The following CACNB2 variants were observed in gnomAD, a reference collection of about 807,000 sequenced individuals.
CACNB2 encodes the protein calcium voltage-gated channel auxiliary subunit beta 2.
In CACNB2, 42 loss-of-function variants were observed where a neutral mutation model predicts 73.3. The ratio of observed to expected loss-of-function variants is 0.57; its 90% CI spans 0.45 to 0.74. CACNB2 has a LOEUF of 0.74. Ranked by LOEUF, CACNB2 falls within the 30% of genes least tolerant of loss-of-function variation. CACNB2 has a pLI of 0.00. For synonymous variants in CACNB2, 348 were observed against 310.3 expected, an observed-to-expected ratio of 1.12 and a Z score of -1.28; for missense variants, 940 against 853.0, an observed-to-expected ratio of 1.10 and a Z score of -1.27.
chr10:18,246,393 C>G (rs1381980545), intron 2 of CACNB2, among the ~76,000 whole-genome samples: 1 of 151,958 alleles, frequency 6.6e-6, no homozygotes, highest in African/African-American at 2.4e-5. Flanking sequence ...GCTCCTAGTT[C>G]TCTCTTTCTT....
chr10:18,251,046 A>G (rs1338111293), intron 2 of CACNB2, among the ~76,000 whole-genome samples: 1 of 151,986 alleles, frequency 6.6e-6, no homozygotes, highest in Non-Finnish European at 1.5e-5. Context: ...GAGTAGTCTT[A>G]AGGTCATTGC....
At chr10:18,437,332 A>G (rs2046186941) in intron 3 of CACNB2, among the ~76,000 whole-genome samples, 1 of 151,194 alleles carries the variant, frequency 6.6e-6, no homozygotes, top group Non-Finnish European at 1.5e-5. Flanking sequence ...TGGCCATTGA[A>G]CAATGAGAGG....
intron 3 of CACNB2, among the ~76,000 whole-genome samples, chr10:18,432,549 C>T (rs2045939959): frequency 6.6e-6 from 1 of 151,930 alleles, no homozygotes; most frequent in Non-Finnish European, 1.5e-5. Flanking sequence ...AAAAACATTC[C>T]AGGCTGGGTG....
intron 2 of CACNB2, among the ~76,000 whole-genome samples, chr10:18,220,256 G>GAGAGAT: frequency 8.1e-6 from 1 of 123,148 alleles, no homozygotes; most frequent in Non-Finnish European, 1.6e-5. Context: ...GAGAGAGAGA[G>GAGAGAT]AGAGAGAGAG....
chr10:18,322,530 A>C (rs1429042064), intron 2 of CACNB2, among the ~76,000 whole-genome samples: 1 of 152,212 alleles, frequency 6.6e-6, no homozygotes, highest in Non-Finnish European at 1.5e-5. Flanking sequence ...AATGAGATGG[A>C]ATAAGCCGAT....
intron 3 of CACNB2, among the ~76,000 whole-genome samples, chr10:18,476,744 A>G (rs7900405): frequency 0.61 from 93,319 of 152,018 alleles, 28,761 homozygotes; most frequent in South Asian, 0.8. Context: ...AGAGCATGGT[A>G]GCTTATGCCT....
intron 4 of CACNB2, among the ~76,000 whole-genome samples, chr10:18,500,077 C>T (rs1320487829): frequency 2.6e-5 from 4 of 152,134 alleles, no homozygotes; most frequent in Non-Finnish European, 5.9e-5. Context: ...AAGTTATCAG[C>T]TGTGCCTAGA....
intron 2 of CACNB2, among the ~76,000 whole-genome samples, chr10:18,386,731 T>C (rs1261473758): frequency 3.3e-5 from 5 of 152,158 alleles, no homozygotes; most frequent in African/African-American, 1.2e-4. Context: ...TAATCTGATA[T>C]AGTAAAATGT....
intron 2 of CACNB2, among the ~76,000 whole-genome samples, chr10:18,255,879 T>C (rs1015531301): frequency 1.3e-5 from 2 of 152,218 alleles, no homozygotes; most frequent in African/African-American, 4.8e-5. Flanking sequence ...ACAGAAGGCT[T>C]CTTTAGGTCT....
At chr10:18,155,046 C>T (rs900793571) in intron 2 of CACNB2, among the ~76,000 whole-genome samples, 1 of 152,116 alleles carries the variant, frequency 6.6e-6, no homozygotes, top group Non-Finnish European at 1.5e-5. Context: ...CTTTTAAAAT[C>T]AACCTTCTTA....
intron 2 of CACNB2, among the ~76,000 whole-genome samples, chr10:18,293,704 C>T (rs543623937): frequency 2.6e-5 from 4 of 152,216 alleles, no homozygotes; most frequent in African/African-American, 9.6e-5. Flanking sequence ...GTATCCCACA[C>T]TATTACAAAA....
At chr10:18,196,989 C>T (rs1442308349) in intron 2 of CACNB2, among the ~76,000 whole-genome samples, 1 of 151,862 alleles carries the variant, frequency 6.6e-6, no homozygotes, top group East Asian at 1.9e-4. Flanking sequence ...TCCTCTCCTC[C>T]CCTCTCCTCC....
At position 18,395,344 on chromosome 10, in the gene CACNB2, G is replaced by C. The variant is rs77231277; in HGVS notation, c.214-6580G>C. Among the ~76,000 whole-genome samples, 1,165 of 152,012 alleles carry C rather than the reference G, an allele frequency of 7.7e-3. 23 individuals are homozygous for C. The highest frequency in any genetic ancestry group is 0.025 in the African/African-American group (1,036 of 41,442). ...TTTCAGCTTAGTGTCATTGCAGACT[G>C]TCATCTCATTACTCTAACTAAAATA... On this transcript the variant is annotated intron_variant, in intron 2 of 13. Transcript: ENST00000324631.
rs1035649211 is a variant in CACNB2, at chr10:18,541,650, C to A, written c.*1926C>A. ...CTGAGGAGGGTGGATCACCTGAGGT[C>A]AGGAGTTCAAGACCAGCCTGGCCAA... On this transcript the variant is annotated 3_prime_UTR_variant, in exon 14 of 14. Transcript: ENST00000324631. 2 of 152,168 alleles carry A rather than the reference C, an allele frequency of 1.3e-5. No homozygotes were observed. Among genetic ancestry groups the A allele is most frequent in the African/African-American group, 2.4e-5 (1 of 41,428 alleles). The allele number at this position is 152,168 out of a possible 1,614,324, so 9.4% of individuals were successfully genotyped here.
At chr10:18,510,689 C>A (rs1235235069) in intron 6 of CACNB2, among the ~76,000 whole-genome samples, 1 of 152,170 alleles carries the variant, frequency 6.6e-6, no homozygotes, top group Non-Finnish European at 1.5e-5. Context: ...AACTCATGAA[C>A]TTGACTGTCC....
chr10:18,407,512 T>C (rs1441330220), intron 3 of CACNB2, among the ~76,000 whole-genome samples: 6 of 152,196 alleles, frequency 3.9e-5, no homozygotes, highest in Non-Finnish European at 8.8e-5. Flanking sequence ...CATTTTGACA[T>C]GACATGCCTT....
chr10:18,485,915 T>A (rs1358955801), intron 3 of CACNB2, among the ~76,000 whole-genome samples: 1 of 25,770 alleles, frequency 3.9e-5, no homozygotes, highest in Non-Finnish European at 6.5e-5. Context: ...ATCTGGGTCA[T>A]TTTTTTTTTT....
chr10:18,467,903 A>G (rs1210770361), intron 3 of CACNB2, among the ~76,000 whole-genome samples: 1 of 152,154 alleles, frequency 6.6e-6, no homozygotes, highest in African/African-American at 2.4e-5. Context: ...CTGTTTTGTT[A>G]TGTTCATCTT....
intron 3 of CACNB2, among the ~76,000 whole-genome samples, chr10:18,408,062 A>T (rs938079153): frequency 1.3e-5 from 2 of 152,170 alleles, no homozygotes; most frequent in Admixed American, 6.6e-5. Context: ...CATGAAGATT[A>T]TGAAGTGGAA....
Sources: gnomAD v4.1 joint callset for allele counts (sites outside exome capture counted in the v4.1 genomes callset) on GRCh38, gnomAD v4.1.1 for gene constraint, MANE v1.5 for transcripts, NCBI Gene and HGNC (gene_info 2026-07-23, HGNC 2026-07-21) for gene names.